SLC12A9: variants seen among roughly 807,000 people sequenced by gnomAD.
SLC12A9 encodes CCC-interacting protein 1.
SLC12A9 carries 55 observed loss-of-function variants against 66.0 expected under a neutral mutation model. The observed-to-expected ratio is 0.83, with a 90% confidence interval of 0.67 to 1.04. The LOEUF (loss-of-function observed/expected upper bound fraction) is 1.04, where lower values mean the gene tolerates loss of function less well. SLC12A9 is among the 50% of genes least tolerant of loss of function. The probability of loss-of-function intolerance (pLI) is 0.00; values close to 1 mark genes in which losing one functional copy is unlikely to be tolerated. For missense variants in SLC12A9, 1,061 were observed against 1,241.9 expected, an observed-to-expected ratio of 0.85 and a Z score of 2.19; for synonymous variants, 577 against 569.0, an observed-to-expected ratio of 1.01 and a Z score of -0.20.
At position 100,858,942 on chromosome 7, in the gene SLC12A9, G is replaced by A. The variant is rs755720300; in HGVS notation, c.865G>A (p.Gly289Arg). 6.2e-7 allele frequency: 1 copy of A among 1,613,956 alleles called. No homozygotes were observed. Among genetic ancestry groups the A allele is most frequent in the African/African-American group, 1.3e-5 (1 of 74,914 alleles). ...TGIMAGANMS[G>R]ELKDPSRAIP... ...CATCATGGCTGGGGCCAACATGTCA[G>A]GTGAGAGTCCCTGCCTGCTGCCTCC... Residue 289 changes from glycine (G) to arginine (R), a missense_variant and splice_region_variant, in exon 6 of 14, where the codon GGG (glycine) becomes AGG (arginine). By Grantham distance (125) the Gly-to-Arg change is moderately radical. Transcript: ENST00000354161.
At chr7:100,860,354 T>A in intron 9 of SLC12A9, 122 bp downstream of exon 9, 1 of 1,004,030 alleles carries the variant, frequency 1.0e-6, no homozygotes, top group Non-Finnish European at 1.5e-6. Flanking sequence ...GGGGTTGCAC[T>A]GGCACTCTGC....
chr7:100,829,253 G>C (rs1361846768), intron 1 of SLC12A9, among the ~76,000 whole-genome samples: 1 of 152,146 alleles, frequency 6.6e-6, no homozygotes, highest in Non-Finnish European at 1.5e-5. Flanking sequence ...CTCCCAAAGT[G>C]CTGGGATTAC....
intron 8 of SLC12A9, 41 bp downstream of exon 8, chr7:100,860,083 C>T (rs777706164): frequency 3.1e-6 from 5 of 1,614,190 alleles, no homozygotes; most frequent in Middle Eastern, 1.6e-4. Context: ...GCACGCCCTC[C>T]CTTGTCTGTC....
Position 100,866,183 on chromosome 7 carries a change from CG to C in SLC12A9, c.2326del (p.Glu776ArgfsTer14). On this transcript the variant is annotated frameshift_variant, in exon 14 of 14. Transcript: ENST00000354161. LOFTEE classifies it high-confidence loss of function. This position sits in a 1 kb window ranked among gnomAD's most constrained non-coding sequence, Gnocchi z 7.3. ...CCGGATCTTCCTGTGCCTGGGGCCT[CG>C]GGAGGCGCCTGGGGCGGCCGAGGGG... ...RLRIFLCLGPREAPGAAEGRL... is the reference protein window; with the variant it reads ...RLRIFLCLGPXEAPGAAEGRL... 1 of 1,609,674 alleles carries C rather than the reference CG, an allele frequency of 6.2e-7. No individual in the cohort carries two copies. The highest frequency in any genetic ancestry group is 8.5e-7 in the Non-Finnish European group (1 of 1,178,384).
intron 1 of SLC12A9, among the ~76,000 whole-genome samples, 181 bp from the exon 2 acceptor site, chr7:100,853,975 T>C (rs952452939): frequency 1.3e-5 from 2 of 152,122 alleles, no homozygotes; most frequent in Admixed American, 1.3e-4. Flanking sequence ...GTGATCCACC[T>C]GCCTCGTCCT....
In SLC12A9 at chr7:100,866,595, C is replaced by G. The variant is rs1255980111; in HGVS notation, c.2735C>G (p.Thr912Ser). 1 of 1,576,734 alleles carries G rather than the reference C, an allele frequency of 6.3e-7. No homozygotes were observed. The highest frequency in any genetic ancestry group is 1.3e-5 in the African/African-American group (1 of 74,484). ...LVHGVTPVTC[T>S]DL is the part of the protein sequence containing the mutation. ...CATGGGGTCACTCCAGTCACCTGCA[C>G]TGATCTGTGATGCCCCTGCCTCCAG... The change falls in exon 14 of 14, where the codon ACT (threonine) becomes AGT (serine). Residue 912 changes from threonine (T) to serine (S), a missense_variant. Thr to Ser is a moderately conservative substitution (Grantham distance 58). Transcript: ENST00000354161. This position sits in a 1 kb window ranked among gnomAD's most constrained non-coding sequence, Gnocchi z 7.3.
At position 100,833,522 on chromosome 7, in the gene SLC12A9, A is replaced by C. The variant is rs74509165; in HGVS notation, n.228+6475A>C. 1.6e-4 allele frequency among the ~76,000 whole-genome samples: 25 copies of C among 151,620 alleles called. 1 individual carries two copies. The highest frequency in any genetic ancestry group is 4.8e-4 in the African/African-American group (20 of 41,280). On this transcript the variant is annotated intron_variant and non_coding_transcript_variant, in intron 1 of 1. Transcript: ENST00000461016. The stretch of plus-strand genomic sequence containing the variant: ...AAAAAACAAAACAAAACAAAAAAAA[A>C]CAGACAAGGTATGGTGGCTCATGCC...
chr7:100,828,277 G>T (rs934137766), intron 1 of SLC12A9, among the ~76,000 whole-genome samples: 1 of 151,638 alleles, frequency 6.6e-6, no homozygotes, highest in African/African-American at 2.4e-5. Context: ...GGTGGCTCAC[G>T]CCTGTAGTCC....
Position 100,865,874 on chromosome 7 carries a change from C to T in SLC12A9, c.2014C>T (p.Pro672Ser). 1.2e-6 allele frequency: 2 copies of T among 1,613,702 alleles called. No individual in the cohort carries two copies. The highest frequency in any genetic ancestry group is 1.7e-6 in the Non-Finnish European group (2 of 1,180,010). The part of the protein sequence containing the change: ...LSTLFPPPRA[P>S]GSPRALNPQD... ...CACCCTGTTCCCTCCTCCCCGGGCT[C>T]CTGGGAGCCCCCGGGCCCTCAATCC... Residue 672 changes from proline to serine, a missense_variant, in exon 14 of 14, where the codon CCT becomes TCT. By Grantham distance (74) the Pro-to-Ser change is moderately conservative. Coordinates refer to ENST00000354161, the MANE Select transcript of SLC12A9 (RefSeq NM_020246.4).
At chr7:100,826,926 G>A (rs867337257) in exon 1 of SLC12A9, 2 of 1,535,578 alleles carry the variant, frequency 1.3e-6, no homozygotes, top group Non-Finnish European at 1.8e-6. Flanking sequence ...CCAGATGTTG[G>A]GGGGGAGGTC....
At chr7:100,845,736 G>C (rs1023052909) in intron 1 of SLC12A9, among the ~76,000 whole-genome samples, 2 of 152,174 alleles carry the variant, frequency 1.3e-5, no homozygotes, top group African/African-American at 4.8e-5. Context: ...CCCGTGAAAA[G>C]AGAAGCATAG....
intron 3 of SLC12A9, 48 bp downstream of exon 3, chr7:100,854,802 AG>A (rs1304760569): frequency 6.2e-7 from 1 of 1,606,212 alleles, no homozygotes; most frequent in African/African-American, 1.3e-5. Flanking sequence ...TCTGCCTGCT[AG>A]GGAGGGTGTG....
upstream of SLC12A9, among the ~76,000 whole-genome samples, chr7:100,851,071 G>C (rs915563453): frequency 3.3e-5 from 5 of 151,856 alleles, no homozygotes; most frequent in Admixed American, 2.0e-4. Flanking sequence ...TGCCCAGGCT[G>C]GTCTGGAGCT....
rs144005688 is a variant in SLC12A9 at position 100,840,746 on chromosome 7, T to C, written n.228+13699T>C. 1.1e-3 allele frequency among the ~76,000 whole-genome samples: 160 copies of C among 150,082 alleles called. 1 individual carries two copies. Among genetic ancestry groups the C allele is most frequent in the African/African-American group, 3.8e-3 (153 of 40,762 alleles). On this transcript the variant is annotated intron_variant and non_coding_transcript_variant, in intron 1 of 1. Transcript: ENST00000461016. ...TCAAAGAAAGAAAGAAAGAGAGATA[T>C]ACAAGCAGTTAAGAAAAAAAAAAGG...
upstream of SLC12A9, among the ~76,000 whole-genome samples, chr7:100,848,734 A>C (rs1455236447): frequency 6.6e-6 from 1 of 151,204 alleles, no homozygotes; most frequent in Non-Finnish European, 1.5e-5. Context: ...AAAATACAAA[A>C]AATTAGCCGT....
chr7:100,865,970 G>A lies in SLC12A9; in HGVS notation c.2110G>A (p.Gly704Arg), dbSNP rs1335981727. ...NKNVVLARAS[G>R]ALPPERLSRG... is the part of the protein sequence containing the mutation. ...GAATGTGGTGCTGGCCCGGGCCAGC[G>A]GGGCCTTGCCCCCTGAGCGGCTGAG... The change falls in exon 14 of 14, where the codon GGG becomes AGG. Residue 704 changes from glycine to arginine, a missense_variant. By Grantham distance (125) the Gly-to-Arg change is moderately radical. Coordinates refer to ENST00000354161, the MANE Select transcript of SLC12A9 (RefSeq NM_020246.4). The A allele has an allele frequency of 1.1e-5, 18 of 1,612,922 alleles. No individual in the cohort carries two copies. Among genetic ancestry groups the A allele is most frequent in the Admixed American group, 1.7e-5 (1 of 59,990 alleles).
chr7:100,846,524 G>A (rs1028674771), intron 1 of SLC12A9, among the ~76,000 whole-genome samples: 2 of 151,022 alleles, frequency 1.3e-5, no homozygotes, highest in Non-Finnish European at 2.9e-5. Flanking sequence ...CCGAGATCGC[G>A]CCACTGCACT....
chr7:100,841,672 T>A (rs1813793667), intron 1 of SLC12A9, among the ~76,000 whole-genome samples: 1 of 152,174 alleles, frequency 6.6e-6, no homozygotes, highest in South Asian at 2.1e-4. Context: ...TAAATATGTC[T>A]ATAAAGTTTT....
At chr7:100,833,670 C>T (rs1813587145) in intron 1 of SLC12A9, among the ~76,000 whole-genome samples, 1 of 151,872 alleles carries the variant, frequency 6.6e-6, no homozygotes, top group Non-Finnish European at 1.5e-5. Flanking sequence ...TGTGGTGGCT[C>T]ACACCTATAA....
Sources: allele counts gnomAD v4.1 joint callset (sites outside exome capture counted in the v4.1 genomes callset), GRCh38; gene constraint gnomAD v4.1.1; non-coding constraint Gnocchi (gnomAD v3.1); transcripts MANE v1.5; gene names NCBI Gene and HGNC (gene_info 2026-07-23, HGNC 2026-07-21).